Variants in ERG observed in about 807,000 individuals in gnomAD.
ERG encodes the protein transcriptional regulator ERG.
In ERG, 9 loss-of-function variants were observed where a neutral mutation model predicts 55.3. The observed-to-expected ratio is 0.16, with a 90% CI of 0.10 to 0.28. The LOEUF (loss-of-function observed/expected upper bound fraction) is 0.28, where lower values mean the gene tolerates loss of function less well. ERG is among the 10% of genes least tolerant of loss of function. The probability of loss-of-function intolerance (pLI) is 1.00; values close to 1 mark genes in which losing one functional copy is unlikely to be tolerated. For missense variants in ERG, 434 were observed against 631.6 expected (o/e 0.69, Z 3.35); for synonymous variants, 223 against 237.3 (o/e 0.94, Z 0.55).
intron 1 of ERG, among the ~76,000 whole-genome samples, chr21:38,459,575 AC>A (rs570479164): frequency 7.2e-5 from 11 of 152,148 alleles, no homozygotes; most frequent in Admixed American, 4.6e-4. Context: ...CATTTTAATC[AC>A]CCCCTAAACT....
intron 1 of ERG, among the ~76,000 whole-genome samples, chr21:38,658,845 G>A (rs757403505): frequency 1.3e-5 from 2 of 152,174 alleles, no homozygotes; most frequent in Non-Finnish European, 2.9e-5. Context: ...AACGTGGAAC[G>A]TGGAGGGGGG....
chr21:38,480,354 AC>A (rs1198177282), intron 1 of ERG, among the ~76,000 whole-genome samples: 1 of 152,008 alleles, frequency 6.6e-6, no homozygotes, highest in Non-Finnish European at 1.5e-5. Flanking sequence ...CTTGCAGGCA[AC>A]CCCCGGAGCT....
chr21:38,495,099 T>G (rs1456081605), intron 1 of ERG, among the ~76,000 whole-genome samples: 1 of 152,234 alleles, frequency 6.6e-6, no homozygotes, highest in Admixed American at 6.5e-5. Context: ...AACAGGTTGA[T>G]GAAAAATCAT....
chr21:38,367,676 C>T, the ERG span: 4 of 506,632 alleles, frequency 7.9e-6, no homozygotes, highest in South Asian at 4.6e-5. Context: ...GGAAATTAAG[C>T]TCCACTCTTG....
In ERG at chr21:38,396,654, T is replaced by C. The variant is rs1189007399; in HGVS notation, c.745+3920A>G. Among the ~76,000 whole-genome samples, 3 of 152,142 alleles carry C rather than the reference T, an allele frequency of 2.0e-5. No homozygotes were observed. In the East Asian group the frequency reaches 5.8e-4, roughly 29 times the overall value. Reference sequence around the variant, plus strand: ...GGATGGGGTTGCAGAACATCATCCTTGGGATAGAACTGAGCTTTTGCATGA... The same window carrying C: ...GGATGGGGTTGCAGAACATCATCCTCGGGATAGAACTGAGCTTTTGCATGA... On this transcript the variant is annotated intron_variant, in intron 6 of 9. Coordinates refer to ENST00000288319, the MANE Select transcript of ERG (RefSeq NM_182918.4).
chr21:38,605,873 GATAA>G (rs1464837326), intron 1 of ERG, among the ~76,000 whole-genome samples: 2 of 152,156 alleles, frequency 1.3e-5, no homozygotes, highest in Non-Finnish European at 2.9e-5. Flanking sequence ...TAGCTAGATA[GATAA>G]ATGATAGATA....
At chr21:38,608,023 T>G (rs1353399246) in intron 1 of ERG, among the ~76,000 whole-genome samples, 2 of 152,120 alleles carry the variant, frequency 1.3e-5, no homozygotes, top group Non-Finnish European at 2.9e-5. Context: ...ATAAATAAAT[T>G]TGATAAAGTC....
At chr21:38,434,938 T>C (rs1197357744) in intron 2 of ERG, among the ~76,000 whole-genome samples, 1 of 152,244 alleles carries the variant, frequency 6.6e-6, no homozygotes, top group Non-Finnish European at 1.5e-5. Flanking sequence ...AGGTTTACTA[T>C]TGTGCAGTGT....
chr21:38,602,806 G>A (rs1189283423), intron 1 of ERG, among the ~76,000 whole-genome samples: 1 of 151,056 alleles, frequency 6.6e-6, no homozygotes, highest in African/African-American at 2.4e-5. Context: ...TTTCCTGAAG[G>A]AAACACATGA....
At chr21:38,613,917 G>A (rs1397657409) in intron 1 of ERG, among the ~76,000 whole-genome samples, 1 of 152,182 alleles carries the variant, frequency 6.6e-6, no homozygotes, top group Admixed American at 6.5e-5. Context: ...CACAAGGTCA[G>A]TTCAGGACTT....
At chr21:38,595,849 GTTC>G (rs2060127975) in intron 1 of ERG, among the ~76,000 whole-genome samples, 1 of 152,160 alleles carries the variant, frequency 6.6e-6, no homozygotes, top group Non-Finnish European at 1.5e-5. Context: ...TCACTAGGGG[GTTC>G]TTTTCTTGCT....
intron 1 of ERG, among the ~76,000 whole-genome samples, chr21:38,654,761 TTGCTTA>T (rs2060508797): frequency 2.0e-5 from 3 of 152,218 alleles, no homozygotes; most frequent in Non-Finnish European, 4.4e-5. Context: ...TCCTCCACTT[TTGCTTA>T]TTCTGTCCTC....
At chr21:38,378,627 C>T (rs886314300), downstream of ERG, among the ~76,000 whole-genome samples, 3 of 152,164 alleles carry the variant, frequency 2.0e-5, no homozygotes, top group African/African-American at 7.2e-5. Context: ...TCTCTCATTC[C>T]CCTTGTCTCT....
At chr21:38,644,301 TA>T (rs1210560239) in intron 1 of ERG, among the ~76,000 whole-genome samples, 2 of 151,448 alleles carry the variant, frequency 1.3e-5, no homozygotes, top group African/African-American at 4.9e-5. Context: ...GAACTTTCGA[TA>T]TATTATAACA....
Position 38,547,368 on chromosome 21 carries a change from C to T in ERG, c.-41+28294G>A, listed in dbSNP as rs938661591. On this transcript the variant is annotated intron_variant, in intron 2 of 8. Coordinates refer to the ERG transcript ENST00000398897. ...AAGATCTGCATGGCCTCAACCAATG[C>T]GTGTTTGACCATATGGATATTTACA... 7.9e-5 allele frequency among the ~76,000 whole-genome samples: 12 copies of T among 152,154 alleles called. 1 individual carries two copies. Among genetic ancestry groups the T allele is most frequent in the African/African-American group, 2.7e-4 (11 of 41,424 alleles).
intron 1 of ERG, among the ~76,000 whole-genome samples, chr21:38,627,591 T>C (rs933413346): frequency 1.3e-5 from 2 of 152,184 alleles, no homozygotes; most frequent in Non-Finnish European, 2.9e-5. Context: ...ATTTATTATG[T>C]GATATTATAG....
chr21:38,409,314 T>C (rs1988927709), intron 3 of ERG, among the ~76,000 whole-genome samples: 1 of 151,890 alleles, frequency 6.6e-6, no homozygotes, highest in Admixed American at 6.6e-5. Context: ...AGAAACCTCA[T>C]CTCTACTAAA....
At chr21:38,424,203 T>TCC (rs1989709546) in intron 2 of ERG, among the ~76,000 whole-genome samples, 3 of 146,008 alleles carry the variant, frequency 2.1e-5, no homozygotes, top group Admixed American at 6.6e-5. Flanking sequence ...TCTCTCTCTC[T>TCC]CTCTCTCTCT....
Position 38,400,643 on chromosome 21 carries a change from C to A in ERG, c.676G>T (p.Gly226Cys). The A allele has an allele frequency of 1.2e-6, 2 of 1,600,444 alleles. No individual in the cohort carries two copies. The highest frequency in any genetic ancestry group is 1.7e-6 in the Non-Finnish European group (2 of 1,169,390). ...GTATTTGGGAAAATAAAAGCTGCAC[C>A]CCCTGCAGACAAAAGGAAAGACAAA... ...PRLMHARNTG[G>C]AAFIFPNTSV... The change falls in exon 6 of 10, where the codon GGT becomes TGT. Residue 226 changes from glycine (G) to cysteine (C), a missense_variant and splice_region_variant. Physicochemically the swap from Gly to Cys is radical, Grantham distance 159 (BLOSUM62 -3). This residue lies in a region of ERG where 99 missense variants were observed against 145.6 expected (regional missense o/e 0.68). Transcript: ENST00000288319.
Sources: gnomAD v4.1 joint callset for allele counts (sites outside exome capture counted in the v4.1 genomes callset) on GRCh38, gnomAD v4.1.1 for gene constraint, gnomAD v4.1.1 regional missense constraint, MANE v1.5 for transcripts, NCBI Gene and HGNC (gene_info 2026-07-23, HGNC 2026-07-21) for gene names.